PIP5K1A: variants seen among roughly 807,000 people sequenced by gnomAD.
PIP5K1A encodes the protein phosphatidylinositol 4-phosphate 5-kinase type-1 alpha.
In PIP5K1A, 46 loss-of-function variants were observed where a neutral mutation model predicts 72.9. That is an observed-to-expected ratio of 0.63 (90% confidence interval 0.50 to 0.81). The LOEUF (loss-of-function observed/expected upper bound fraction) is 0.81, where lower values mean the gene tolerates loss of function less well. Ranked by LOEUF, PIP5K1A falls within the 30% of genes least tolerant of loss-of-function variation. The pLI, the probability that PIP5K1A is intolerant of heterozygous loss-of-function variation, is 0.00. For synonymous variants in PIP5K1A, 228 were observed against 255.1 expected (o/e 0.89, Z 1.01); for missense variants, 458 against 706.1 (o/e 0.65, Z 3.98).
chr1:151,230,090 G>GA (rs752753134), intron 4 of PIP5K1A, among the ~76,000 whole-genome samples: 58 of 146,650 alleles, frequency 4.0e-4, no homozygotes, highest in African/African-American at 6.5e-4. Flanking sequence ...TCCGTCTCAA[G>GA]AAAAAAAAAA....
At position 151,212,008 on chromosome 1, in the gene PIP5K1A, A is replaced by G. The variant is rs587688891; in HGVS notation, c.86-12237A>G. On this transcript the variant is annotated intron_variant, in intron 1 of 15. Coordinates refer to ENST00000368888, the MANE Select transcript of PIP5K1A (RefSeq NM_001135638.2). ...GTGCCTGTAGTCCTAGCTATTCGGG[A>G]GGCTGAGGTAGGAGAATGGCGTGAA... is the stretch of plus-strand genomic sequence containing the variant. Among the ~76,000 whole-genome samples, 907 of 151,630 alleles carry G rather than the reference A, an allele frequency of 6.0e-3. 7 individuals are homozygous for G. Among genetic ancestry groups the G allele is most frequent in the Admixed American group, 0.011 (160 of 15,180 alleles).
At chr1:151,196,019 C>A (rs373049406), upstream of PIP5K1A, among the ~76,000 whole-genome samples, 6 of 150,710 alleles carry the variant, frequency 4.0e-5, no homozygotes, top group South Asian at 6.3e-4. Context: ...CTCAGCCTCC[C>A]GAGTAGCTGG....
chr1:151,239,041 T>G (rs1691276272), intron 10 of PIP5K1A, 89 bp from the exon 11 acceptor site: 1 of 905,318 alleles, frequency 1.1e-6, no homozygotes, highest in African/African-American at 1.7e-5. Flanking sequence ...CAAGATTTTC[T>G]ATTACCCCTT....
At chr1:151,209,718 T>A (rs1686514746) in intron 1 of PIP5K1A, among the ~76,000 whole-genome samples, 1 of 151,302 alleles carries the variant, frequency 6.6e-6, no homozygotes, top group African/African-American at 2.4e-5. Flanking sequence ...GGATTACAGG[T>A]GTGAGCCACC....
At chr1:151,215,618 G>A (rs893313985) in intron 1 of PIP5K1A, among the ~76,000 whole-genome samples, 6 of 152,246 alleles carry the variant, frequency 3.9e-5, no homozygotes, top group South Asian at 4.1e-4. Flanking sequence ...GAGCCTCTGC[G>A]CCCGGCATTC....
At chr1:151,240,782 T>C (rs758503611) in intron 12 of PIP5K1A, among the ~76,000 whole-genome samples, 33 of 152,204 alleles carry the variant, frequency 2.2e-4, no homozygotes, top group African/African-American at 3.4e-4. Flanking sequence ...TTTAAAAAGA[T>C]AAAAAAATCT....
intron 4 of PIP5K1A, among the ~76,000 whole-genome samples, chr1:151,230,128 A>G (rs1361425597): frequency 2.6e-5 from 4 of 152,138 alleles, no homozygotes; most frequent in African/African-American, 7.2e-5. Context: ...TTTATTGCCC[A>G]TTGAGGACCA....
intron 14 of PIP5K1A, among the ~76,000 whole-genome samples, chr1:151,244,611 G>C (rs1039218228): frequency 4.6e-5 from 7 of 152,172 alleles, no homozygotes; most frequent in Admixed American, 4.6e-4. Context: ...AGCCGAAATC[G>C]CGCCACTGGA....
At chr1:151,241,143 A>G (rs1306251323) in intron 12 of PIP5K1A, among the ~76,000 whole-genome samples, 1 of 152,042 alleles carries the variant, frequency 6.6e-6, no homozygotes, top group Non-Finnish European at 1.5e-5. Flanking sequence ...AGCCTGGGTG[A>G]CAAGAGAGGA....
chr1:151,223,244 G>C (rs1299678087), intron 1 of PIP5K1A, among the ~76,000 whole-genome samples: 1 of 151,862 alleles, frequency 6.6e-6, no homozygotes, highest in African/African-American at 2.4e-5. Flanking sequence ...CCAGCTACTC[G>C]GGAGGTTGAG....
rs1391094253 is a variant in PIP5K1A at position 151,249,031 on chromosome 1, T to C, written c.*1166T>C. The C allele has an allele frequency of 1.3e-5, 2 of 152,194 alleles. No homozygotes were observed. The highest frequency in any genetic ancestry group is 4.8e-5 in the African/African-American group (2 of 41,440). The allele number at this position is 152,194 out of a possible 1,614,324, so 9.4% of individuals were successfully genotyped here. A position where few individuals can be genotyped will look rare whatever the true frequency, so the allele number is the denominator to read the frequency against. ...TGTCTTCATGCAGGGAAGTTGGAAATGGGGGCTACATATGCCCTCTCCTCC... is the reference window on the plus strand; with the variant it reads ...TGTCTTCATGCAGGGAAGTTGGAAACGGGGGCTACATATGCCCTCTCCTCC... On this transcript the variant is annotated 3_prime_UTR_variant, in exon 16 of 16. Coordinates refer to ENST00000368888, the MANE Select transcript of PIP5K1A (RefSeq NM_001135638.2).
chr1:151,244,721 C>G (rs1222162340), intron 14 of PIP5K1A, among the ~76,000 whole-genome samples: 1 of 152,094 alleles, frequency 6.6e-6, no homozygotes, highest in African/African-American at 2.4e-5. Flanking sequence ...AATACCATAG[C>G]ATTGTATATA....
chr1:151,234,055 T>A, intron 7 of PIP5K1A, 142 bp from the exon 8 acceptor site: 2 of 653,236 alleles, frequency 3.1e-6, no homozygotes, highest in Non-Finnish European at 5.5e-6. Context: ...ATGTAAAGCA[T>A]ATATGATGTA....
At chr1:151,219,548 G>A (rs192722407) in intron 1 of PIP5K1A, among the ~76,000 whole-genome samples, 1 of 151,444 alleles carries the variant, frequency 6.6e-6, no homozygotes, top group African/African-American at 2.4e-5. Context: ...AAAAAAATTA[G>A]CTGGGTGTTG....
rs1370908179 is a variant in PIP5K1A at position 151,198,579 on chromosome 1, A to T, written c.-418A>T. 1 of 199,514 alleles carries T rather than the reference A, an allele frequency of 5.0e-6. No individual in the cohort carries two copies. The highest frequency in any genetic ancestry group is 5.5e-5 in the Admixed American group (1 of 18,224). The allele number at this position is 199,514 out of a possible 1,614,324, so 12.4% of individuals were successfully genotyped here. A position where few individuals can be genotyped will look rare whatever the true frequency, so the allele number is the denominator to read the frequency against. ...TTTTTTGCTTGGCTACCCGGAGTGA[A>T]GCGGCCGGGTTGGGCGATTAACAGG... On this transcript the variant is annotated 5_prime_UTR_variant, in exon 1 of 16. In the 5' UTR this introduces an upstream ATG that the reference lacks. Transcript: ENST00000368888.
intron 6 of PIP5K1A, 39 bp from the exon 7 acceptor site, chr1:151,232,512 A>T (rs1690243864): frequency 6.3e-7 from 1 of 1,584,906 alleles, no homozygotes; most frequent in Non-Finnish European, 8.6e-7. Context: ...CAAGGCCCTG[A>T]TGTGTCTAAA....
At chr1:151,229,189 A>AAC (rs1689648605) in intron 4 of PIP5K1A, among the ~76,000 whole-genome samples, 1 of 149,584 alleles carries the variant, frequency 6.7e-6, no homozygotes, top group Non-Finnish European at 1.5e-5. Context: ...AAAAAAAAAA[A>AAC]AAAACAGGAA....
At chr1:151,228,144 AT>A (rs138869008) in intron 4 of PIP5K1A, among the ~76,000 whole-genome samples, 5 of 146,888 alleles carry the variant, frequency 3.4e-5, no homozygotes, top group Admixed American at 6.8e-5. Flanking sequence ...TTTCTCTTCC[AT>A]TTTTTTTTTA....
At chr1:151,210,700 C>G (rs1221549063) in intron 1 of PIP5K1A, among the ~76,000 whole-genome samples, 1 of 152,098 alleles carries the variant, frequency 6.6e-6, no homozygotes, top group Non-Finnish European at 1.5e-5. Flanking sequence ...ATTCTCCTGC[C>G]TCAGCCTCCC....
Sources: gnomAD v4.1 joint callset for allele counts (sites outside exome capture counted in the v4.1 genomes callset) on GRCh38, gnomAD v4.1.1 for gene constraint, MANE v1.5 for transcripts, NCBI Gene and HGNC (gene_info 2026-07-23, HGNC 2026-07-21) for gene names.